MRRF: variants seen among roughly 807,000 people sequenced by gnomAD.
MRRF encodes the protein ribosome-recycling factor, mitochondrial.
A neutral mutation model predicts 25.1 loss-of-function variants in MRRF; 18 were observed. The ratio of observed to expected loss-of-function variants is 0.72; its 90% CI spans 0.50 to 1.06. The LOEUF (loss-of-function observed/expected upper bound fraction) is 1.06, where lower values mean the gene tolerates loss of function less well. Ranked by LOEUF, MRRF falls within the 50% of genes least tolerant of loss-of-function variation. The probability of loss-of-function intolerance (pLI) is 0.00; values close to 1 mark genes in which losing one functional copy is unlikely to be tolerated. For synonymous variants in MRRF, 113 were observed against 112.1 expected (o/e 1.01, Z -0.05); for missense variants, 323 against 319.3 (o/e 1.01, Z -0.09).
At chr9:122,303,613 C>T (rs1187553930) in intron 5 of MRRF, among the ~76,000 whole-genome samples, 1 of 152,130 alleles carries the variant, frequency 6.6e-6, no homozygotes, top group African/African-American at 2.4e-5. Context: ...CTCCTGGGCT[C>T]AAGCAATCCT....
intron 2 of MRRF, among the ~76,000 whole-genome samples, chr9:122,273,582 C>T (rs1432745001): frequency 1.3e-5 from 2 of 151,194 alleles, no homozygotes; most frequent in Non-Finnish European, 2.9e-5. Flanking sequence ...AAAGTGTTTA[C>T]GTAAATCATA....
At chr9:122,280,300 C>A in intron 2 of MRRF, 143 bp from the exon 3 acceptor site, 1 of 867,940 alleles carries the variant, frequency 1.2e-6, no homozygotes, top group Non-Finnish European at 1.8e-6. Context: ...TTAATATAGG[C>A]TCTTTTTTAG....
rs1375856213 is a variant in MRRF at position 122,271,087 on chromosome 9, T to A, written c.184+12T>A. 6.2e-7 allele frequency: 1 copy of A among 1,610,382 alleles called. No homozygotes were observed. The highest frequency in any genetic ancestry group is 8.5e-7 in the Non-Finnish European group (1 of 1,176,610). On this transcript the variant is annotated intron_variant, in intron 2 of 6. Coordinates refer to ENST00000344641, the MANE Select transcript of MRRF (RefSeq NM_138777.5). ...CAAGAAAGCCAAAGGTAGAGACATG[T>A]GACGTTCTCTCCTACTTCACCCCTT...
In MRRF at chr9:122,271,009, G is replaced by A; in HGVS notation, c.118G>A (p.Gly40Ser). The change falls in exon 2 of 7, where the codon GGC becomes AGC. Residue 40 changes from glycine (G) to serine (S), a missense_variant. Coordinates refer to ENST00000344641, the MANE Select transcript of MRRF (RefSeq NM_138777.5). Reference protein sequence around the residue: ...TLKTVHERQHGHRQYMAYSAV... With the variant: ...TLKTVHERQHSHRQYMAYSAV... ...GAAGACAGTGCATGAAAGACAACAT[G>A]GCCATAGGCAATACATGGCCTATTC... is the stretch of plus-strand genomic sequence containing the variant. 2 of 1,614,152 alleles carry A rather than the reference G, an allele frequency of 1.2e-6. No homozygotes were observed. Among genetic ancestry groups the A allele is most frequent in the Non-Finnish European group, 1.7e-6 (2 of 1,180,016 alleles).
intron 6 of MRRF, among the ~76,000 whole-genome samples, chr9:122,319,147 C>CTTTTTTTT (rs35949709): frequency 4.8e-4 from 58 of 120,958 alleles, no homozygotes; most frequent in South Asian, 8.7e-4. Context: ...TTCTTTCTTT[C>CTTTTTTTT]TTTTTTTTTT....
At chr9:122,276,819 A>G (rs973901905) in intron 2 of MRRF, among the ~76,000 whole-genome samples, 1 of 152,154 alleles carries the variant, frequency 6.6e-6, no homozygotes, top group African/African-American at 2.4e-5. Context: ...TCGGTTATCA[A>G]GGAAGGTATA....
intron 6 of MRRF, among the ~76,000 whole-genome samples, chr9:122,313,631 C>T (rs1219458376): frequency 6.6e-6 from 1 of 152,178 alleles, no homozygotes; most frequent in Non-Finnish European, 1.5e-5. Flanking sequence ...CATTTACCCT[C>T]ATCACTACAA....
intron 6 of MRRF, among the ~76,000 whole-genome samples, chr9:122,320,910 T>C (rs1433539959): frequency 6.6e-6 from 1 of 152,238 alleles, no homozygotes; most frequent in Non-Finnish European, 1.5e-5. Flanking sequence ...GCTTTCAGTC[T>C]CTTTTCGACA....
intron 2 of MRRF, among the ~76,000 whole-genome samples, chr9:122,273,903 A>G (rs1832618575): frequency 6.6e-6 from 1 of 152,236 alleles, no homozygotes; most frequent in Non-Finnish European, 1.5e-5. Flanking sequence ...TACTGAAAGT[A>G]TATACCACAA....
intron 4 of MRRF, among the ~76,000 whole-genome samples, chr9:122,291,416 G>A (rs1474971346): frequency 6.6e-6 from 1 of 152,154 alleles, no homozygotes; most frequent in Non-Finnish European, 1.5e-5. Context: ...ACCAATCTTT[G>A]CAGAGACCAG....
rs1564523497 is a variant in MRRF at position 122,328,961 on chromosome 9, G to A, written c.*6344G>A. ...ACTGCAGATATGCACAGCTGTGCCCGAAGATCCCTTTCTCTTACATTCCTT... is the reference window on the plus strand; with the variant it reads ...ACTGCAGATATGCACAGCTGTGCCCAAAGATCCCTTTCTCTTACATTCCTT... On this transcript the variant is annotated 3_prime_UTR_variant, in exon 7 of 7. Transcript: ENST00000344641. 6.6e-6 allele frequency: 1 copy of A among 152,004 alleles called. No individual in the cohort carries two copies. Among genetic ancestry groups the A allele is most frequent in the South Asian group, 2.1e-4 (1 of 4,810 alleles). The allele number at this position is 152,004 out of a possible 1,614,324, so 9.4% of individuals were successfully genotyped here.
In MRRF at chr9:122,326,841, T is replaced by C. The variant is rs761429649; in HGVS notation, c.*4224T>C. ...TGTAGGTGTTATGATTATCTGTGTT[T>C]TTCTGTGAAAAAAACAGGTTCAGAA... On this transcript the variant is annotated 3_prime_UTR_variant, in exon 7 of 7. Coordinates refer to ENST00000344641, the MANE Select transcript of MRRF (RefSeq NM_138777.5). 1.3e-5 allele frequency: 2 copies of C among 152,176 alleles called. No individual in the cohort carries two copies. The highest frequency in any genetic ancestry group is 2.4e-5 in the African/African-American group (1 of 41,440). The allele number at this position is 152,176 out of a possible 1,614,324, so 9.4% of individuals were successfully genotyped here.
At chr9:122,282,215 A>C (rs1833129831) in intron 3 of MRRF, among the ~76,000 whole-genome samples, 1 of 152,116 alleles carries the variant, frequency 6.6e-6, no homozygotes, top group Non-Finnish European at 1.5e-5. Flanking sequence ...TTTTCCCCCT[A>C]CCTTTTCCTC....
chr9:122,278,544 A>AAAAT (rs1256207819), intron 2 of MRRF, among the ~76,000 whole-genome samples: 1 of 152,004 alleles, frequency 6.6e-6, no homozygotes, highest in African/African-American at 2.4e-5. Context: ...AGACTCATTT[A>AAAAT]AATTTTTGTG....
rs187736890 is a variant in MRRF, at chr9:122,329,457, C to T, written c.*6840C>T. 56 of 152,312 alleles carry T rather than the reference C, an allele frequency of 3.7e-4. No individual in the cohort carries two copies. The highest frequency in any genetic ancestry group is 1.2e-3 in the African/African-American group (48 of 41,558). 9.4% of individuals were successfully genotyped at this position (152,312 alleles called of 1,614,324 possible). A position where few individuals can be genotyped will look rare whatever the true frequency, so the allele number is the denominator to read the frequency against. On this transcript the variant is annotated 3_prime_UTR_variant, in exon 7 of 7. Coordinates refer to ENST00000344641, the MANE Select transcript of MRRF (RefSeq NM_138777.5). ...TGATTCATTCATTCATTATCCATAC[C>T]GATGCCTCTCCTGATCCCTAAACCT...
intron 4 of MRRF, among the ~76,000 whole-genome samples, chr9:122,288,761 A>G (rs751023121): frequency 8.5e-5 from 13 of 152,240 alleles, no homozygotes; most frequent in South Asian, 8.3e-4. Context: ...TCACCTGTCT[A>G]CAAAAGTCTT....
chr9:122,285,150 T>A lies in MRRF; in HGVS notation c.341-19T>A. 3.3e-6 allele frequency: 5 copies of A among 1,508,014 alleles called. No homozygotes were observed. Among genetic ancestry groups the A allele is most frequent in the Non-Finnish European group, 4.6e-6 (5 of 1,083,576 alleles). 93.4% of individuals were successfully genotyped at this position (1,508,014 alleles called of 1,614,324 possible). ...CTAAGGTTCTTTGGAATTCTAAAACTCTGTAATTTTTCTTTTAGGATCCCT... is the reference window on the plus strand; with the variant it reads ...CTAAGGTTCTTTGGAATTCTAAAACACTGTAATTTTTCTTTTAGGATCCCT... On this transcript the variant is annotated intron_variant, in intron 3 of 6. Transcript: ENST00000344641.
intron 3 of MRRF, among the ~76,000 whole-genome samples, chr9:122,284,785 G>A (rs1564482901): frequency 6.6e-6 from 1 of 152,088 alleles, no homozygotes; most frequent in Non-Finnish European, 1.5e-5. Flanking sequence ...TGTTGAATCT[G>A]AATTATTATT....
intron 6 of MRRF, among the ~76,000 whole-genome samples, chr9:122,317,578 C>A (rs765083238): frequency 2.2e-4 from 34 of 152,018 alleles, no homozygotes; most frequent in Non-Finnish European, 4.1e-4. Flanking sequence ...ATTTTATAGA[C>A]ATGGTAAATT....
Sources: gnomAD v4.1 joint callset for allele counts (sites outside exome capture counted in the v4.1 genomes callset) on GRCh38, gnomAD v4.1.1 for gene constraint, MANE v1.5 for transcripts, NCBI Gene and HGNC (gene_info 2026-07-23, HGNC 2026-07-21) for gene names.